Variants in REDIC1 observed in about 807,000 individuals in gnomAD.
REDIC1 encodes the protein HEI10 Interacting Protein 1.
chr12:39,782,055 G>A, the REDIC1 span, among the ~76,000 whole-genome samples: 73 of 152,284 alleles, frequency 4.8e-4, no homozygotes, highest in African/African-American at 1.5e-3. Flanking sequence ...TGGTGGGGTC[G>A]AGGTAATCAT....
At chr12:39,896,603 T>C in the REDIC1 span, among the ~76,000 whole-genome samples, 3 of 151,320 alleles carry the variant, frequency 2.0e-5, no homozygotes, top group Admixed American at 1.3e-4. Flanking sequence ...CATATATGTA[T>C]GTATATGTGT....
At chr12:39,626,796 C>G in the REDIC1 span, among the ~76,000 whole-genome samples, 6 of 152,204 alleles carry the variant, frequency 3.9e-5, no homozygotes, top group Non-Finnish European at 8.8e-5. Context: ...GCACTTAAAT[C>G]AATGGCAGGG....
At chr12:39,699,278 CCTCA>C in the REDIC1 span, among the ~76,000 whole-genome samples, 1 of 152,186 alleles carries the variant, frequency 6.6e-6, no homozygotes, top group African/African-American at 2.4e-5. Flanking sequence ...CGAGGCATTG[CCTCA>C]CTCGGGAAGC....
the REDIC1 span, chr12:39,647,688 TA>T: frequency 1.2e-6 from 1 of 844,076 alleles, no homozygotes. Context: ...TTTTCTTTTG[TA>T]ACCCCTGCCC....
At chr12:39,707,706 A>T in the REDIC1 span, among the ~76,000 whole-genome samples, 2 of 151,984 alleles carry the variant, frequency 1.3e-5, no homozygotes, top group Admixed American at 1.3e-4. Context: ...TCATTGTTTT[A>T]TAATGTTTAA....
At chr12:39,895,243 T>C in the REDIC1 span, among the ~76,000 whole-genome samples, 17 of 151,664 alleles carry the variant, frequency 1.1e-4, no homozygotes, top group Non-Finnish European at 2.1e-4. Flanking sequence ...GAATAAGTCA[T>C]TTAAAAAAAG....
the REDIC1 span, among the ~76,000 whole-genome samples, chr12:39,649,273 G>C: frequency 6.6e-6 from 1 of 151,870 alleles, no homozygotes; most frequent in African/African-American, 2.4e-5. Flanking sequence ...AGCGTACTTG[G>C]AGGAATTTCA....
chr12:39,783,112 C>T, the REDIC1 span, among the ~76,000 whole-genome samples: 1 of 152,012 alleles, frequency 6.6e-6, no homozygotes, highest in African/African-American at 2.4e-5. Flanking sequence ...TGAGTGAGAA[C>T]ATGCGGTGTT....
the REDIC1 span, among the ~76,000 whole-genome samples, chr12:39,889,413 A>T: frequency 6.6e-6 from 1 of 152,130 alleles, no homozygotes; most frequent in African/African-American, 2.4e-5. Context: ...ATACTCTAAC[A>T]AATTACCCTA....
the REDIC1 span, among the ~76,000 whole-genome samples, chr12:39,747,385 A>G: frequency 1.3e-5 from 2 of 152,086 alleles, no homozygotes; most frequent in Non-Finnish European, 2.9e-5. Flanking sequence ...AAAAAAGAGT[A>G]AAAAGAAATG....
the REDIC1 span, among the ~76,000 whole-genome samples, chr12:39,821,854 A>C: frequency 6.6e-6 from 1 of 152,204 alleles, no homozygotes; most frequent in South Asian, 2.1e-4. Context: ...GAACAATAAT[A>C]CAATCGATCA....
the REDIC1 span, chr12:39,626,185 GT>G: frequency 1.4e-6 from 1 of 734,750 alleles, no homozygotes. Flanking sequence ...CTGTTGGGAG[GT>G]TGGGCCTCAG....
the REDIC1 span, among the ~76,000 whole-genome samples, chr12:39,779,720 T>G: frequency 9.2e-5 from 14 of 152,338 alleles, no homozygotes; most frequent in South Asian, 2.1e-3. Flanking sequence ...ATTTAAAACG[T>G]GACTGTCTGT....
the REDIC1 span, among the ~76,000 whole-genome samples, chr12:39,656,938 T>TA: frequency 6.6e-6 from 1 of 152,184 alleles, no homozygotes; most frequent in Admixed American, 6.5e-5. Context: ...TCAAAAAGTT[T>TA]AAAAAATTAA....
At chr12:39,823,379 T>C in the REDIC1 span, among the ~76,000 whole-genome samples, 4 of 152,122 alleles carry the variant, frequency 2.6e-5, no homozygotes, top group South Asian at 8.3e-4. Context: ...GATACTGATG[T>C]GGTTTGTCAA....
the REDIC1 span, among the ~76,000 whole-genome samples, chr12:39,785,483 G>A: frequency 6.6e-6 from 1 of 152,216 alleles, no homozygotes; most frequent in East Asian, 1.9e-4. Context: ...CTGCAGGGGC[G>A]AGGCCCTCAT....
the REDIC1 span, among the ~76,000 whole-genome samples, chr12:39,678,220 C>T: frequency 2.0e-5 from 3 of 151,718 alleles, no homozygotes; most frequent in Non-Finnish European, 4.4e-5. Context: ...ATAGAGAAGA[C>T]CCAAATAAGC....
chr12:39,781,886 G>A, the REDIC1 span, among the ~76,000 whole-genome samples: 1 of 152,204 alleles, frequency 6.6e-6, no homozygotes, highest in Admixed American at 6.5e-5. Flanking sequence ...GCCTGTACTT[G>A]CAGAGGTGTC....
chr12:39,778,150 C>G, the REDIC1 span, among the ~76,000 whole-genome samples: 1 of 152,112 alleles, frequency 6.6e-6, no homozygotes, highest in Non-Finnish European at 1.5e-5. Flanking sequence ...ACACACCCTG[C>G]GAGGGGGACA....
Sources: allele counts gnomAD v4.1 joint callset (sites outside exome capture counted in the v4.1 genomes callset), GRCh38; gene constraint gnomAD v4.1.1; transcripts MANE v1.5; gene names NCBI Gene and HGNC (gene_info 2026-07-23, HGNC 2026-07-21).